The following FGFR2 variants were observed in gnomAD, a reference collection of about 807,000 sequenced individuals.
The protein encoded by FGFR2 is BEK fibroblast growth factor receptor.
Under a neutral mutation model 95.9 loss-of-function variants are expected in FGFR2, and 19 were observed. The observed-to-expected ratio is 0.20, with a 90% CI of 0.14 to 0.29. The LOEUF is 0.29. Among genes scored for constraint, FGFR2 ranks in the 10% least tolerant of loss-of-function variants. The pLI is 1.00. For synonymous variants in FGFR2, 392 were observed against 393.3 expected, an observed-to-expected ratio of 1.00 and a Z score of 0.04; for missense variants, 707 against 1,056.9, an observed-to-expected ratio of 0.67 and a Z score of 4.59.
intron 8 of FGFR2, among the ~76,000 whole-genome samples, chr10:121,516,025 C>T (rs1433113201): frequency 6.6e-6 from 1 of 151,962 alleles, no homozygotes; most frequent in Non-Finnish European, 1.5e-5. Flanking sequence ...TATGTCACTA[C>T]AGCTTTTCTC....
At chr10:121,480,559 TA>T (rs1448448358) in intron 17 of FGFR2, 2 of 225,736 alleles carry the variant, frequency 8.9e-6, no homozygotes, top group African/African-American at 4.5e-5. Flanking sequence ...GTTTCGGGGA[TA>T]ATTGAAGGGG....
chr10:121,577,848 T>A (rs1223345994), intron 2 of FGFR2, among the ~76,000 whole-genome samples: 1 of 151,930 alleles, frequency 6.6e-6, no homozygotes, highest in African/African-American at 2.4e-5. Context: ...AACAAGCAAG[T>A]GACCTTCAAC....
At chr10:121,483,937 G>A (rs1845086852) in intron 16 of FGFR2, 134 bp from the exon 17 acceptor site, 1 of 693,916 alleles carries the variant, frequency 1.4e-6, no homozygotes, top group South Asian at 1.6e-5. Context: ...ACTAGATTAG[G>A]GGGTCATGAA....
chr10:121,543,478 C>CCAGCCTGGGTGACAGAGTGAGACT (rs1854059558), intron 5 of FGFR2, among the ~76,000 whole-genome samples: 1 of 152,174 alleles, frequency 6.6e-6, no homozygotes, highest in Admixed American at 6.5e-5. Flanking sequence ...CCACTGTACT[C>CCAGCCTGGGTGACAGAGTGAGACT]CAGCCTGGGT....
At position 121,520,095 on chromosome 10, in the gene FGFR2, C is replaced by G. The variant is rs1258584689; in HGVS notation, c.823G>C (p.Glu275Gln). ...NASTVVGGDV[E>Q]FVCKVYSDAQ... ...TCACTGTAAACCTTGCAGACAAACT[C>G]TACGTCTCCTCCGACCACTGTGGAG... The change falls in exon 7 of 18, where the codon GAG (glutamate) becomes CAG (glutamine). Residue 275 changes from glutamate (E) to glutamine (Q), a missense_variant. Around this residue, in one of 7 missense-constraint regions of FGFR2, gnomAD observed 139 missense variants for 278.1 expected, o/e 0.50. Coordinates refer to ENST00000358487, the MANE Select transcript of FGFR2 (RefSeq NM_000141.5). 6.2e-7 allele frequency: 1 copy of G among 1,614,244 alleles called. No homozygotes were observed. The highest frequency in any genetic ancestry group is 1.7e-5 in the Admixed American group (1 of 60,032).
chr10:121,566,329 T>A (rs1186352758), intron 2 of FGFR2, among the ~76,000 whole-genome samples: 1 of 152,130 alleles, frequency 6.6e-6, no homozygotes, highest in Non-Finnish European at 1.5e-5. Context: ...AGACCTGCTG[T>A]TTTCCCAAAA....
chr10:121,498,412 G>T (rs976371987), intron 12 of FGFR2, 83 bp downstream of exon 12: 1 of 910,634 alleles, frequency 1.1e-6, no homozygotes. Context: ...TCTGGGAGCA[G>T]GATCTGGAAG....
At chr10:121,571,466 T>G (rs1333346286) in intron 2 of FGFR2, among the ~76,000 whole-genome samples, 1 of 151,290 alleles carries the variant, frequency 6.6e-6, no homozygotes. Context: ...CCTGGGAATT[T>G]TGTTGTTGTT....
chr10:121,550,768 A>C (rs1855273356), intron 5 of FGFR2, among the ~76,000 whole-genome samples: 2 of 152,222 alleles, frequency 1.3e-5, no homozygotes, highest in Non-Finnish European at 2.9e-5. Context: ...TCATATGAAG[A>C]ACAACACAAA....
intron 6 of FGFR2, among the ~76,000 whole-genome samples, chr10:121,533,119 T>A (rs560385422): frequency 6.6e-6 from 1 of 152,302 alleles, no homozygotes; most frequent in South Asian, 2.1e-4. Flanking sequence ...CCGGGCACGG[T>A]GGCTCATGCC....
At position 121,598,161 on chromosome 10, in the gene FGFR2, C is replaced by A; in HGVS notation, c.-350G>T. On this transcript the variant is annotated 5_prime_UTR_variant, in exon 1 of 18. Transcript: ENST00000358487. Reference sequence around the variant, plus strand: ...GGAGCGCGGGCATGACGCCCGCGGGCTGCCCTCGGATTTGGGGAACGAGAG... The same window carrying A: ...GGAGCGCGGGCATGACGCCCGCGGGATGCCCTCGGATTTGGGGAACGAGAG... 2.5e-6 allele frequency: 1 copy of A among 398,346 alleles called. No individual in the cohort carries two copies. The highest frequency in any genetic ancestry group is 4.4e-6 in the Non-Finnish European group (1 of 225,856). The allele number at this position is 398,346 out of a possible 1,614,324, so 24.7% of individuals were successfully genotyped here.
chr10:121,521,986 A>C (rs879839308), intron 6 of FGFR2, among the ~76,000 whole-genome samples: 4 of 152,222 alleles, frequency 2.6e-5, no homozygotes, highest in Non-Finnish European at 4.4e-5. Flanking sequence ...AAATGGTGCA[A>C]TATGTGACAA....
intron 4 of FGFR2, among the ~76,000 whole-genome samples, chr10:121,561,633 G>A (rs1856983858): frequency 6.6e-6 from 1 of 152,102 alleles, no homozygotes; most frequent in South Asian, 2.1e-4. Flanking sequence ...GATGACCTTG[G>A]GTTGGGTGAT....
intron 9 of FGFR2, among the ~76,000 whole-genome samples, chr10:121,504,432 G>T (rs558652872): frequency 8.5e-5 from 13 of 152,312 alleles, no homozygotes; most frequent in Admixed American, 1.3e-4. Context: ...GAAATGTAAA[G>T]TGGAATATCT....
chr10:121,514,974 TG>T, intron 9 of FGFR2, 142 bp downstream of exon 9: 1 of 778,934 alleles, frequency 1.3e-6, no homozygotes, highest in Non-Finnish European at 2.1e-6. Flanking sequence ...AAACACTAAC[TG>T]GGTGACCGCC....
intron 13 of FGFR2, among the ~76,000 whole-genome samples, chr10:121,489,168 G>T (rs868425397): frequency 2.6e-5 from 4 of 152,242 alleles, no homozygotes; most frequent in Middle Eastern, 3.4e-3. Context: ...CGCCTCCTGG[G>T]TTCAAGCGAT....
chr10:121,526,624 A>G, intron 6 of FGFR2: 1 of 398,494 alleles, frequency 2.5e-6, no homozygotes, highest in Non-Finnish European at 4.4e-6. Flanking sequence ...TATGACGGCC[A>G]GGAAGACCAC....
intron 6 of FGFR2, among the ~76,000 whole-genome samples, chr10:121,532,268 C>T (rs1037994236): frequency 1.1e-4 from 16 of 152,144 alleles, no homozygotes; most frequent in African/African-American, 3.9e-4. Context: ...AGCATGACAA[C>T]CTAAAAGGTA....
At chr10:121,567,657 C>T (rs1857889318) in intron 2 of FGFR2, among the ~76,000 whole-genome samples, 1 of 152,232 alleles carries the variant, frequency 6.6e-6, no homozygotes, top group Non-Finnish European at 1.5e-5. Flanking sequence ...CGGGCACACA[C>T]AGCAGTGGCA....
Sources: gnomAD v4.1 joint callset for allele counts (sites outside exome capture counted in the v4.1 genomes callset) on GRCh38, gnomAD v4.1.1 for gene constraint, gnomAD v4.1.1 regional missense constraint, MANE v1.5 for transcripts, NCBI Gene and HGNC (gene_info 2026-07-23, HGNC 2026-07-21) for gene names.